SPATA16: variants seen among roughly 807,000 people sequenced by gnomAD.
SPATA16 encodes the protein spermatogenesis-associated protein 16.
SPATA16 carries 36 observed loss-of-function variants against 63.3 expected under a neutral mutation model. That is an observed-to-expected ratio of 0.57 (90% CI 0.44 to 0.75). The LOEUF is 0.75. SPATA16 is among the 30% of genes least tolerant of loss of function. The probability of loss-of-function intolerance (pLI) is 0.00; values close to 1 mark genes in which losing one functional copy is unlikely to be tolerated. For synonymous variants in SPATA16, 203 were observed against 216.7 expected (o/e 0.94, Z 0.56); for missense variants, 646 against 679.3 (o/e 0.95, Z 0.54).
At chr3:173,093,602 G>T (rs1315679465) in intron 2 of SPATA16, among the ~76,000 whole-genome samples, 3 of 152,068 alleles carry the variant, frequency 2.0e-5, no homozygotes, top group Non-Finnish European at 4.4e-5. Flanking sequence ...ATACTATAAG[G>T]ATTAAAATCA....
intron 2 of SPATA16, among the ~76,000 whole-genome samples, chr3:173,077,340 T>C (rs1034126211): frequency 1.3e-5 from 2 of 152,142 alleles, no homozygotes; most frequent in African/African-American, 4.8e-5. Context: ...AACCCTATTG[T>C]TTTCAAATTT....
intron 10 of SPATA16, among the ~76,000 whole-genome samples, chr3:172,902,990 A>G (rs1309778881): frequency 1.3e-5 from 2 of 152,350 alleles, no homozygotes; most frequent in Non-Finnish European, 2.9e-5. Flanking sequence ...CAAATGACTG[A>G]ATGAGCTACA....
At chr3:172,945,894 G>A (rs939107765) in intron 6 of SPATA16, among the ~76,000 whole-genome samples, 1 of 152,122 alleles carries the variant, frequency 6.6e-6, no homozygotes, top group Non-Finnish European at 1.5e-5. Flanking sequence ...TGACACTAGG[G>A]AGACACCAGC....
chr3:173,097,191 T>G (rs1737379447), intron 2 of SPATA16, among the ~76,000 whole-genome samples: 1 of 152,156 alleles, frequency 6.6e-6, no homozygotes, highest in Non-Finnish European at 1.5e-5. Flanking sequence ...CACCCACACA[T>G]AGTCACTTAG....
intron 8 of SPATA16, among the ~76,000 whole-genome samples, chr3:172,917,441 G>A (rs941454944): frequency 2.0e-5 from 3 of 152,192 alleles, no homozygotes; most frequent in Non-Finnish European, 4.4e-5. Context: ...TTACATCCTG[G>A]TGCTCAGAAG....
At position 173,117,283 on chromosome 3, in the gene SPATA16, G is replaced by T; in HGVS notation, c.449C>A (p.Pro150Gln). The T allele has an allele frequency of 6.2e-7, 1 of 1,614,124 alleles. No individual in the cohort carries two copies. The highest frequency in any genetic ancestry group is 8.5e-7 in the Non-Finnish European group (1 of 1,180,008). Residue 150 changes from proline to glutamine, a missense_variant, in exon 2 of 11, where the codon CCA (proline) becomes CAA (glutamine). Transcript: ENST00000351008. ...VESFMSTGSQ[P>Q]TCQAAEIVDP... ...TACTATTTCAGCAGCTTGGCATGTT[G>T]GCTGACTCCCAGTAGACATGAAGGA...
At chr3:173,006,974 G>A (rs984087241) in intron 4 of SPATA16, among the ~76,000 whole-genome samples, 2 of 152,102 alleles carry the variant, frequency 1.3e-5, no homozygotes, top group South Asian at 2.1e-4. Flanking sequence ...AATGTGTCTC[G>A]TCTTAGGCTA....
intron 5 of SPATA16, among the ~76,000 whole-genome samples, chr3:172,975,862 A>T (rs1490378190): frequency 1.3e-5 from 2 of 152,092 alleles, no homozygotes; most frequent in African/African-American, 4.8e-5. Flanking sequence ...TCTAACAAAG[A>T]TAACATATAA....
At chr3:173,053,917 A>G (rs1736156177) in intron 2 of SPATA16, among the ~76,000 whole-genome samples, 1 of 152,138 alleles carries the variant, frequency 6.6e-6, no homozygotes, top group South Asian at 2.1e-4. Context: ...CACCATATAT[A>G]TAATTGCCAT....
At chr3:173,073,300 C>T (rs1024646524) in intron 2 of SPATA16, among the ~76,000 whole-genome samples, 8 of 152,186 alleles carry the variant, frequency 5.3e-5, no homozygotes, top group South Asian at 4.1e-4. Context: ...GCATAAGTAA[C>T]GAGGAGCCAA....
rs532122884 is a variant in SPATA16 at position 173,018,560 on chromosome 3, C to T, written c.848+926G>A. 1.1e-4 allele frequency among the ~76,000 whole-genome samples: 17 copies of T among 151,950 alleles called. No homozygotes were observed. The South Asian group carries it at 3.3e-3, about 30-fold the overall frequency. On this transcript the variant is annotated intron_variant, in intron 4 of 10. Transcript: ENST00000351008. Reference sequence around the variant, plus strand: ...CAAAGTGCTGGGATAACAGGCTTGACACAGTGTCAATTTTATGAAGCCATT... The same window carrying T: ...CAAAGTGCTGGGATAACAGGCTTGATACAGTGTCAATTTTATGAAGCCATT...
intron 3 of SPATA16, among the ~76,000 whole-genome samples, chr3:173,033,658 A>G (rs531075361): frequency 6.6e-6 from 1 of 152,122 alleles, no homozygotes; most frequent in South Asian, 2.1e-4. Flanking sequence ...TGAGTTTCAC[A>G]TGTTTTTTTC....
intron 4 of SPATA16, among the ~76,000 whole-genome samples, chr3:172,986,255 T>A (rs1734454468): frequency 6.6e-6 from 1 of 152,128 alleles, no homozygotes; most frequent in Non-Finnish European, 1.5e-5. Context: ...TTACTGTTGT[T>A]GTTTGTTGTT....
chr3:172,976,821 G>A (rs114023683), intron 5 of SPATA16, 147 bp downstream of exon 5: 16,395 of 700,228 alleles, frequency 0.023, 247 homozygotes, highest in Middle Eastern at 0.035. Context: ...AATCTACTTC[G>A]TTATGAATAC....
intron 3 of SPATA16, among the ~76,000 whole-genome samples, chr3:173,025,105 A>G (rs1577137347): frequency 6.6e-6 from 1 of 151,174 alleles, no homozygotes; most frequent in Non-Finnish European, 1.5e-5. Flanking sequence ...CAATGTAAAT[A>G]GAGAATATCT....
chr3:172,898,367 C>T (rs1732053024), intron 10 of SPATA16, among the ~76,000 whole-genome samples: 1 of 151,838 alleles, frequency 6.6e-6, no homozygotes, highest in South Asian at 2.1e-4. Flanking sequence ...AACGTCTGGG[C>T]TTGGAGATGT....
At position 172,963,224 on chromosome 3, in the gene SPATA16, T is replaced by A. The variant is rs563503860; in HGVS notation, c.934-6400A>T. Among the ~76,000 whole-genome samples the A allele has an allele frequency of 1.1e-3, 171 of 152,210 alleles. 1 individual carries two copies. Among genetic ancestry groups the A allele is most frequent in the African/African-American group, 4.0e-3 (167 of 41,564 alleles). On this transcript the variant is annotated intron_variant, in intron 5 of 10. Coordinates refer to ENST00000351008, the MANE Select transcript of SPATA16 (RefSeq NM_031955.6). ...CAATAAGTTTCATTTTTTCTTAATA[T>A]AAAAGAATATTTGGCAGCTTTGCCA...
At chr3:172,924,929 G>T (rs1031854724) in intron 7 of SPATA16, among the ~76,000 whole-genome samples, 13 of 152,086 alleles carry the variant, frequency 8.5e-5, no homozygotes, top group Non-Finnish European at 1.3e-4. Flanking sequence ...CTAAACTCTT[G>T]GCTAATTACA....
chr3:173,029,468 C>T (rs1735550739), intron 3 of SPATA16, among the ~76,000 whole-genome samples: 1 of 148,688 alleles, frequency 6.7e-6, no homozygotes, highest in African/African-American at 2.5e-5. Flanking sequence ...TTCTCTGAAC[C>T]ATAGATCCCA....
Sources: allele counts gnomAD v4.1 joint callset (sites outside exome capture counted in the v4.1 genomes callset), GRCh38; gene constraint gnomAD v4.1.1; transcripts MANE v1.5; gene names NCBI Gene and HGNC (gene_info 2026-07-23, HGNC 2026-07-21).